PRKN: variants seen among roughly 807,000 people sequenced by gnomAD.
PRKN encodes parkin RBR E3 ubiquitin protein ligase.
A neutral mutation model predicts 59.5 loss-of-function variants in PRKN; 56 were observed. That is an observed-to-expected ratio of 0.94 (90% CI 0.76 to 1.18). The LOEUF is 1.18. PRKN is among the 50% of genes most tolerant of loss of function. The pLI is 0.00. For missense variants in PRKN, 657 were observed against 596.4 expected (o/e 1.10, Z -1.06); for synonymous variants, 250 against 222.1 (o/e 1.13, Z -1.12).
At position 161,554,736 on chromosome 6, in the gene PRKN, A is replaced by G. The variant is rs527737982; in HGVS notation, c.934-5733T>C. On this transcript the variant is annotated intron_variant, in intron 8 of 11. Coordinates refer to ENST00000366898, the MANE Select transcript of PRKN (RefSeq NM_004562.3). The surrounding 1 kb of genome is among the most constrained non-coding windows in gnomAD (Gnocchi z 4.5). ...ATTGTGTGTGTGTGTGTGTGTGTGT[A>G]TATATATATATATATATACATACAC... 3.4e-3 allele frequency among the ~76,000 whole-genome samples: 436 copies of G among 129,414 alleles called. No individual in the cohort carries two copies. Among genetic ancestry groups the G allele is most frequent in the African/African-American group, 0.01 (339 of 33,700 alleles). 84.9% of individuals were successfully genotyped at this position (129,414 alleles called of 152,430 possible).
chr6:161,873,729 T>G (rs989212191), intron 6 of PRKN, among the ~76,000 whole-genome samples: 1 of 151,548 alleles, frequency 6.6e-6, no homozygotes, highest in Non-Finnish European at 1.5e-5. Flanking sequence ...AATTCCTGTT[T>G]CCCTTGAAAT....
At chr6:162,462,331 A>G (rs12174063) in intron 1 of PRKN, among the ~76,000 whole-genome samples, 33,768 of 152,122 alleles carry the variant, frequency 0.22, 4,719 homozygotes, top group African/African-American at 0.4. Context: ...CACAATGGAG[A>G]CCAATGTTTG....
chr6:162,136,001 T>G (rs1207358267), intron 4 of PRKN, among the ~76,000 whole-genome samples: 1 of 151,864 alleles, frequency 6.6e-6, no homozygotes, highest in Non-Finnish European at 1.5e-5. Flanking sequence ...TCAACTGGAG[T>G]TCACCCTCAG....
At chr6:161,658,030 A>AAAAAAAGAAAAG (rs781518268) in intron 7 of PRKN, among the ~76,000 whole-genome samples, 29 of 104,868 alleles carry the variant, frequency 2.8e-4, no homozygotes, top group Non-Finnish European at 4.9e-4. Context: ...AAAAAAAAAA[A>AAAAAAAGAAAAG]AAAAGAAAAG....
Position 161,442,966 on chromosome 6 carries a change from AGAGGTTAACTGACCTGCTC to A in PRKN, c.1084-56108_1084-56090del, listed in dbSNP as rs1033026580. Among the ~76,000 whole-genome samples the A allele has an allele frequency of 1.3e-5, 2 of 152,180 alleles. No homozygotes were observed. The highest frequency in any genetic ancestry group is 4.8e-5 in the African/African-American group (2 of 41,434). ...CACAGATGAGGAAATCGGGGCTCTG[AGAGGTTAACTGACCTGCTC>A]GAGGTGAAGAAAATGAGTAGGGATT... On this transcript the variant is annotated intron_variant, in intron 9 of 11. Transcript: ENST00000366898. This position sits in a 1 kb window ranked among gnomAD's most constrained non-coding sequence, Gnocchi z 4.6.
intron 7 of PRKN, among the ~76,000 whole-genome samples, chr6:161,762,809 T>C (rs1182927358): frequency 1.3e-5 from 2 of 152,198 alleles, no homozygotes; most frequent in Admixed American, 6.5e-5. Context: ...TCAAATATAC[T>C]GGCACCAAGA....
chr6:161,444,838 C>T lies in PRKN; in HGVS notation c.1084-57961G>A, dbSNP rs1562454102. On this transcript the variant is annotated intron_variant, in intron 9 of 11. Transcript: ENST00000366898. This position sits in a 1 kb window ranked among gnomAD's most constrained non-coding sequence, Gnocchi z 5.6. Reference sequence around the variant, plus strand: ...GAAAAAAGCCTTCCCGTGGTTTTGGCCAGAGGTATTTGTTATCAGTTTAAT... The same window carrying T: ...GAAAAAAGCCTTCCCGTGGTTTTGGTCAGAGGTATTTGTTATCAGTTTAAT... Among the ~76,000 whole-genome samples the T allele has an allele frequency of 6.6e-6, 1 of 152,082 alleles. No individual in the cohort carries two copies. Among genetic ancestry groups the T allele is most frequent in the Admixed American group, 6.6e-5 (1 of 15,262 alleles).
chr6:162,156,568 C>T (rs1301527142), intron 4 of PRKN, among the ~76,000 whole-genome samples: 4 of 152,082 alleles, frequency 2.6e-5, no homozygotes, highest in Non-Finnish European at 5.9e-5. Flanking sequence ...AGATGGAGGC[C>T]GGAAGACTCA....
intron 7 of PRKN, among the ~76,000 whole-genome samples, chr6:161,633,140 C>G (rs1368646339): frequency 6.6e-6 from 1 of 152,008 alleles, no homozygotes; most frequent in Admixed American, 6.6e-5. Flanking sequence ...TATGAAATAC[C>G]TTTCAGAAAA....
rs550636664 is a variant in PRKN, at chr6:162,576,866, G to C, written c.8-133393C>G. ...TTATTGTACATTTTGAATAAAAGAC[G>C]AATTGAGAGCGAGGATTTGATGCCC... On this transcript the variant is annotated intron_variant, in intron 1 of 11. Coordinates refer to ENST00000366898, the MANE Select transcript of PRKN (RefSeq NM_004562.3). Among the ~76,000 whole-genome samples the C allele has an allele frequency of 5.2e-4, 77 of 147,270 alleles. No individual in the cohort carries two copies. The South Asian group carries it at 7.8e-3, about 15-fold the overall frequency.
intron 3 of PRKN, among the ~76,000 whole-genome samples, chr6:162,237,485 G>A (rs1396184228): frequency 6.6e-6 from 1 of 152,138 alleles, no homozygotes; most frequent in Non-Finnish European, 1.5e-5. Context: ...CAATGCCTCA[G>A]TGCTCCTCTG....
At chr6:162,151,299 G>A (rs1404321977) in intron 4 of PRKN, among the ~76,000 whole-genome samples, 2 of 152,164 alleles carry the variant, frequency 1.3e-5, no homozygotes, top group Admixed American at 1.3e-4. Flanking sequence ...ACAAACAGGT[G>A]CACCAGCATT....
At chr6:161,392,504 CCTCTCTCTCTCT>C (rs67425763) in intron 9 of PRKN, among the ~76,000 whole-genome samples, 8 of 145,410 alleles carry the variant, frequency 5.5e-5, no homozygotes, top group East Asian at 4.1e-4. Flanking sequence ...ATAGTTCAAA[CCTCTCTCTCTCT>C]CTCTCTCTCT....
intron 6 of PRKN, among the ~76,000 whole-genome samples, chr6:161,897,958 C>T (rs1342780474): frequency 1.3e-4 from 3 of 22,502 alleles, no homozygotes; most frequent in Non-Finnish European, 2.3e-4. Context: ...CAGAGCGAGA[C>T]TCCGTCTCAA....
intron 6 of PRKN, among the ~76,000 whole-genome samples, chr6:161,972,336 T>A (rs1174436975): frequency 1.3e-5 from 2 of 152,074 alleles, no homozygotes; most frequent in African/African-American, 4.8e-5. Context: ...TATTGCAATT[T>A]GAGCTTCTTA....
At chr6:162,443,070 C>T (rs1277855329) in intron 2 of PRKN, among the ~76,000 whole-genome samples, 1 of 152,064 alleles carries the variant, frequency 6.6e-6, no homozygotes, top group Non-Finnish European at 1.5e-5. Flanking sequence ...AAGCCTAGCT[C>T]GTGTGTTCTT....
chr6:161,981,062 G>T (rs1240983201), intron 5 of PRKN, among the ~76,000 whole-genome samples: 1 of 152,204 alleles, frequency 6.6e-6, no homozygotes, highest in Non-Finnish European at 1.5e-5. Context: ...AGGATACAGG[G>T]CTGTGGTTAC....
rs796744718 is a variant in PRKN at position 161,895,498 on chromosome 6, G to A, written c.734+77804C>T. On this transcript the variant is annotated intron_variant, in intron 6 of 11. Transcript: ENST00000366898. ...TGAGGCTTCTGAGATTCAGGAGTACGCCCACCCCACCTGCCGTTATGCCCC... is the reference window on the plus strand; with the variant it reads ...TGAGGCTTCTGAGATTCAGGAGTACACCCACCCCACCTGCCGTTATGCCCC... Among the ~76,000 whole-genome samples, 106 of 133,590 alleles carry A rather than the reference G, an allele frequency of 7.9e-4. 8 individuals are homozygous for A. Among genetic ancestry groups the A allele is most frequent in the African/African-American group, 3.4e-3 (98 of 29,032 alleles). 87.6% of individuals were successfully genotyped at this position (133,590 alleles called of 152,430 possible). A position where few individuals can be genotyped will look rare whatever the true frequency, so the allele number is the denominator to read the frequency against.
chr6:162,058,817 TG>T (rs199904974), intron 4 of PRKN, among the ~76,000 whole-genome samples: 1,899 of 152,078 alleles, frequency 0.012, 36 homozygotes, highest in African/African-American at 0.043. Flanking sequence ...CTGGGCATGG[TG>T]GCGGGTGCCT....
Sources: gnomAD v4.1 joint callset for allele counts (sites outside exome capture counted in the v4.1 genomes callset) on GRCh38, gnomAD v4.1.1 for gene constraint, Gnocchi (gnomAD v3.1) non-coding constraint, MANE v1.5 for transcripts, NCBI Gene and HGNC (gene_info 2026-07-23, HGNC 2026-07-21) for gene names.